Variants in ANO1 observed in about 807,000 individuals in gnomAD.
ANO1 encodes anoctamin-1.
A neutral mutation model predicts 124.0 loss-of-function variants in ANO1; 59 were observed. The ratio of observed to expected loss-of-function variants is 0.48; its 90% CI spans 0.39 to 0.59. The LOEUF (loss-of-function observed/expected upper bound fraction) is 0.59, where lower values mean the gene tolerates loss of function less well. ANO1 is among the 20% of genes least tolerant of loss of function. The pLI is 0.00. For synonymous variants in ANO1, 529 were observed against 532.0 expected, an observed-to-expected ratio of 0.99 and a Z score of 0.08; for missense variants, 1,059 against 1,328.0, an observed-to-expected ratio of 0.80 and a Z score of 3.15.
chr11:69,999,533 C>T (rs1178267962), intron 1 of ANO1, among the ~76,000 whole-genome samples: 2 of 152,140 alleles, frequency 1.3e-5, no homozygotes, highest in African/African-American at 4.8e-5. Context: ...TGCCAGAGTG[C>T]TTTGCTAGGT....
intron 10 of ANO1, among the ~76,000 whole-genome samples, chr11:70,127,429 T>G (rs2046567497): frequency 6.6e-6 from 1 of 152,174 alleles, no homozygotes; most frequent in African/African-American, 2.4e-5. Context: ...TGCCTTCTGC[T>G]GTTCACCAAG....
In ANO1 at chr11:70,087,936, A is replaced by T. The variant is rs1237825309; in HGVS notation, c.293A>T (p.Asp98Val). 6.2e-7 allele frequency: 1 copy of T among 1,604,750 alleles called. No homozygotes were observed. Among genetic ancestry groups the T allele is most frequent in the East Asian group, 2.2e-5 (1 of 44,508 alleles). Residue 98 changes from aspartate (D) to valine (V), a missense_variant, in exon 2 of 26, where the codon GAC (aspartate) becomes GTC (valine). Transcript: ENST00000355303. Reference sequence around the variant, plus strand: ...TCTGGGGCTCGCAGCGTCAAGCAGGACCACCCCCTGCCGGGCAAGGGGGCG... The same window carrying T: ...TCTGGGGCTCGCAGCGTCAAGCAGGTCCACCCCCTGCCGGGCAAGGGGGCG... ...TPSGARSVKQ[D>V]HPLPGKGASL... is the part of the protein sequence containing the mutation.
chr11:70,056,411 A>G (rs1175894027), intron 1 of ANO1: 1 of 152,008 alleles, frequency 6.6e-6, no homozygotes, highest in Non-Finnish European at 1.5e-5. Flanking sequence ...TTGAAAATAG[A>G]TGTCTTTTTC....
chr11:70,081,207 A>C (rs1474953998), intron 1 of ANO1, among the ~76,000 whole-genome samples: 1 of 152,246 alleles, frequency 6.6e-6, no homozygotes, highest in Non-Finnish European at 1.5e-5. Context: ...CTTGAAAGCC[A>C]GAGGCCAGGT....
chr11:70,177,702 C>T (rs1358414462), intron 22 of ANO1, among the ~76,000 whole-genome samples: 3 of 143,798 alleles, frequency 2.1e-5, no homozygotes, highest in Admixed American at 7.4e-5. Context: ...CGGGTTCAAG[C>T]GATTCTCCTG....
intron 1 of ANO1, among the ~76,000 whole-genome samples, chr11:69,992,620 G>C (rs1008128928): frequency 5.9e-5 from 9 of 152,104 alleles, no homozygotes; most frequent in Non-Finnish European, 1.2e-4. Context: ...TCTCTCTCCT[G>C]GCTCCAACCT....
intron 1 of ANO1, among the ~76,000 whole-genome samples, chr11:70,047,963 C>T (rs1369180841): frequency 2.6e-5 from 4 of 152,196 alleles, no homozygotes; most frequent in Non-Finnish European, 4.4e-5. Flanking sequence ...AATCAAAGCC[C>T]GCTTCCAAAT....
rs1243457547 is a variant in ANO1, at chr11:70,165,463, T to A, written c.1951-7T>A. 6.2e-7 allele frequency: 1 copy of A among 1,604,520 alleles called. No homozygotes were observed. The highest frequency in any genetic ancestry group is 8.5e-7 in the Non-Finnish European group (1 of 1,175,754). ...GTAGCGTGGCTGATGCTGCTCTCTG[T>A]CCACAGTGTGCGCCAGGGGGCTGCC... On this transcript the variant is annotated splice_region_variant and splice_polypyrimidine_tract_variant and intron_variant, in intron 19 of 25. Transcript: ENST00000355303.
chr11:69,974,983 T>C, the ANO1 span, among the ~76,000 whole-genome samples: 1 of 149,596 alleles, frequency 6.7e-6, no homozygotes, highest in East Asian at 2.0e-4. Context: ...GCAAAAAGAC[T>C]AAACTGCCCT....
intron 16 of ANO1, 26 bp from the exon 17 acceptor site, chr11:70,161,135 C>G: frequency 6.2e-7 from 1 of 1,602,112 alleles, no homozygotes; most frequent in Non-Finnish European, 8.5e-7. Context: ...GGCCCCCAAC[C>G]AAGAGTGCCC....
intron 1 of ANO1, among the ~76,000 whole-genome samples, chr11:70,052,140 T>TCCACACCAC (rs1555006310): frequency 6.6e-6 from 1 of 152,218 alleles, no homozygotes. Context: ...ACTTATTGAT[T>TCCACACCAC]TCACACCACT....
intron 1 of ANO1, among the ~76,000 whole-genome samples, chr11:70,059,053 G>A (rs1388325021): frequency 3.3e-5 from 5 of 151,960 alleles, no homozygotes; most frequent in African/African-American, 9.6e-5. Context: ...TTAGCTGGGC[G>A]TGGTGGCGGG....
At chr11:70,059,280 G>T (rs1555007382) in intron 1 of ANO1, among the ~76,000 whole-genome samples, 1 of 150,526 alleles carries the variant, frequency 6.6e-6, no homozygotes, top group South Asian at 2.2e-4. Context: ...GAACCTGGGA[G>T]GTGGAGCTTG....
intron 1 of ANO1, among the ~76,000 whole-genome samples, chr11:70,048,829 A>G (rs1323446721): frequency 6.6e-6 from 1 of 151,916 alleles, no homozygotes; most frequent in East Asian, 1.9e-4. Context: ...TCAAGAAATT[A>G]TATCCCTTGG....
chr11:70,098,405 G>A (rs2135320162), intron 2 of ANO1, among the ~76,000 whole-genome samples: 1 of 152,308 alleles, frequency 6.6e-6, no homozygotes, highest in East Asian at 1.9e-4. Flanking sequence ...GAGGTGCCTG[G>A]CCTGCTGTGC....
chr11:70,183,763 C>A, intron 24 of ANO1, among the ~76,000 whole-genome samples: 1 of 152,194 alleles, frequency 6.6e-6, no homozygotes, highest in African/African-American at 2.4e-5. Context: ...GCTGAATAGG[C>A]CCTCGGAGAC....
intron 1 of ANO1, among the ~76,000 whole-genome samples, chr11:69,997,537 C>T (rs1462796258): frequency 6.6e-6 from 1 of 152,142 alleles, no homozygotes; most frequent in Non-Finnish European, 1.5e-5. Context: ...AGCCACTCTC[C>T]CCCCGTCCCA....
intron 8 of ANO1, among the ~76,000 whole-genome samples, chr11:70,121,109 A>G (rs372196682): frequency 4.9e-4 from 75 of 152,156 alleles, no homozygotes; most frequent in African/African-American, 1.7e-3. Context: ...GGAGCCACTG[A>G]GGGTGGGTCC....
chr11:69,988,838 C>A (rs1366703505), intron 1 of ANO1, among the ~76,000 whole-genome samples: 1 of 152,124 alleles, frequency 6.6e-6, no homozygotes, highest in African/African-American at 2.4e-5. Flanking sequence ...CTGGTATATC[C>A]CCTTCTCTTG....
Sources: allele counts gnomAD v4.1 joint callset (sites outside exome capture counted in the v4.1 genomes callset), GRCh38; gene constraint gnomAD v4.1.1; transcripts MANE v1.5; gene names NCBI Gene and HGNC (gene_info 2026-07-23, HGNC 2026-07-21).